The following RBFOX3 variants were observed in gnomAD, a reference collection of about 807,000 sequenced individuals.
The protein encoded by RBFOX3 is RNA binding fox-1 homolog 3.
A neutral mutation model predicts 48.7 loss-of-function variants in RBFOX3; 17 were observed. That is an observed-to-expected ratio of 0.35 (90% CI 0.24 to 0.52). The LOEUF is 0.52. Ranked by LOEUF, RBFOX3 falls within the 20% of genes least tolerant of loss-of-function variation. The pLI is 0.94. For synonymous variants in RBFOX3, 212 were observed against 209.5 expected (o/e 1.01, Z -0.10); for missense variants, 382 against 497.5 (o/e 0.77, Z 2.21).
At chr17:79,164,219 G>T (rs935868137) in intron 4 of RBFOX3, among the ~76,000 whole-genome samples, 7 of 152,238 alleles carry the variant, frequency 4.6e-5, no homozygotes, top group African/African-American at 1.7e-4. Flanking sequence ...CACCTGGCAG[G>T]GGCGGTGGCG....
chr17:79,228,414 C>T (rs1197826570), intron 4 of RBFOX3, among the ~76,000 whole-genome samples: 1 of 152,202 alleles, frequency 6.6e-6, no homozygotes, highest in African/African-American at 2.4e-5. Context: ...GTAATTAATA[C>T]TCTGGGGAAA....
intron 3 of RBFOX3, among the ~76,000 whole-genome samples, chr17:79,253,515 T>C (rs541786452): frequency 1.3e-5 from 2 of 152,346 alleles, no homozygotes; most frequent in South Asian, 2.1e-4. Flanking sequence ...AATGTCAACA[T>C]TTTTAATTAA....
chr17:79,531,167 A>G (rs1452526751), intron 1 of RBFOX3, among the ~76,000 whole-genome samples: 2 of 152,190 alleles, frequency 1.3e-5, no homozygotes, highest in African/African-American at 4.8e-5. Flanking sequence ...GAAAAGCCCC[A>G]TTGTCACTCC....
At chr17:79,602,782 G>A (rs1426667700) in intron 1 of RBFOX3, among the ~76,000 whole-genome samples, 2 of 152,148 alleles carry the variant, frequency 1.3e-5, no homozygotes, top group African/African-American at 4.8e-5. Flanking sequence ...CCCTCAGCCT[G>A]CGCGGTAAGC....
intron 1 of RBFOX3, among the ~76,000 whole-genome samples, chr17:79,490,902 A>T (rs1453133464): frequency 6.6e-6 from 1 of 150,710 alleles, no homozygotes; most frequent in African/African-American, 2.5e-5. Context: ...GAGTGAGTGC[A>T]TGAAAGAGTG....
At chr17:79,094,383 A>G (rs1323141352) in intron 14 of RBFOX3, 68 bp downstream of exon 14, 3 of 1,204,590 alleles carry the variant, frequency 2.5e-6, no homozygotes, top group East Asian at 3.0e-5. Context: ...CTCTCCCCCA[A>G]GGGCCTCACC....
chr17:79,665,363 C>T, the RBFOX3 span, among the ~76,000 whole-genome samples: 3 of 152,106 alleles, frequency 2.0e-5, no homozygotes, highest in Non-Finnish European at 2.9e-5. Context: ...TGCACGAAAT[C>T]TCCTTACCTG....
intron 3 of RBFOX3, among the ~76,000 whole-genome samples, chr17:79,293,122 AG>A (rs1218088603): frequency 6.6e-6 from 1 of 152,242 alleles, no homozygotes; most frequent in African/African-American, 2.4e-5. Context: ...GCCACTTAAA[AG>A]TATGGCCTCA....
chr17:79,165,819 C>T (rs1375573407), intron 4 of RBFOX3, among the ~76,000 whole-genome samples: 1 of 152,190 alleles, frequency 6.6e-6, no homozygotes, highest in Non-Finnish European at 1.5e-5. Context: ...CCCGTGCCTA[C>T]CTGGATCACC....
intron 2 of RBFOX3, among the ~76,000 whole-genome samples, chr17:79,433,689 AG>A (rs2068878234): frequency 1.4e-5 from 2 of 145,934 alleles, no homozygotes; most frequent in South Asian, 4.7e-4. Context: ...AGCCCAGCCC[AG>A]CCCAGCCCAG....
chr17:79,419,425 T>A (rs914609121), intron 2 of RBFOX3, among the ~76,000 whole-genome samples: 1 of 151,544 alleles, frequency 6.6e-6, no homozygotes, highest in Non-Finnish European at 1.5e-5. Context: ...ATGCAGGAGG[T>A]CAAACAGGAG....
chr17:79,254,246 G>T lies in RBFOX3; in HGVS notation c.-73-18441C>A, dbSNP rs987072028. On this transcript the variant is annotated intron_variant, in intron 3 of 14. Coordinates refer to ENST00000693108, the MANE Select transcript of RBFOX3 (RefSeq NM_001350451.2). The surrounding 1 kb of genome is among the most constrained non-coding windows in gnomAD (Gnocchi z 4.8). ...TTCTCAGATGTCCTGGCTTCAGGGA[G>T]CAGGGCCCCTGAGGTCTGGAAGAGG... Among the ~76,000 whole-genome samples, 1 of 152,190 alleles carries T rather than the reference G, an allele frequency of 6.6e-6. No homozygotes were observed. Among genetic ancestry groups the T allele is most frequent in the African/African-American group, 2.4e-5 (1 of 41,452 alleles).
intron 3 of RBFOX3, among the ~76,000 whole-genome samples, chr17:79,244,098 A>G (rs549913118): frequency 6.6e-6 from 1 of 152,302 alleles, no homozygotes; most frequent in East Asian, 1.9e-4. Flanking sequence ...GTCCATCCGG[A>G]ACCTTATTTG....
rs992580641 is a variant in RBFOX3, at chr17:79,214,562, G to T, written c.-34+21204C>A. 8.0e-5 allele frequency among the ~76,000 whole-genome samples: 12 copies of T among 149,832 alleles called. No individual in the cohort carries two copies. Among genetic ancestry groups the T allele is most frequent in the Admixed American group, 1.3e-4 (2 of 14,878 alleles). ...GGCAGGCCAAGTGGGAGGGATGTCTGGGGGGGGTCTCGGAGGAAGCAGGAA... is the reference window on the plus strand; with the variant it reads ...GGCAGGCCAAGTGGGAGGGATGTCTTGGGGGGGTCTCGGAGGAAGCAGGAA... On this transcript the variant is annotated intron_variant, in intron 4 of 14. Coordinates refer to ENST00000693108, the MANE Select transcript of RBFOX3 (RefSeq NM_001350451.2). This position sits in a 1 kb window ranked among gnomAD's most constrained non-coding sequence, Gnocchi z 4.7.
intron 1 of RBFOX3, among the ~76,000 whole-genome samples, chr17:79,503,896 G>A (rs952592032): frequency 2.6e-5 from 4 of 152,310 alleles, no homozygotes; most frequent in East Asian, 3.9e-4. Context: ...GGACCAGGAC[G>A]GGGATGCAAA....
intron 2 of RBFOX3, among the ~76,000 whole-genome samples, chr17:79,314,528 C>T (rs563139793): frequency 6.6e-6 from 1 of 152,324 alleles, no homozygotes; most frequent in East Asian, 1.9e-4. Context: ...AAGACTCTCA[C>T]TCGGCATTCT....
intron 1 of RBFOX3, among the ~76,000 whole-genome samples, chr17:79,580,133 C>T (rs1006378057): frequency 4.0e-5 from 6 of 151,882 alleles, no homozygotes; most frequent in Admixed American, 6.5e-5. Flanking sequence ...TCCTGAGTGC[C>T]CCTTGGGCTT....
the RBFOX3 span, among the ~76,000 whole-genome samples, chr17:79,652,025 C>T: frequency 1.3e-5 from 2 of 151,706 alleles, no homozygotes; most frequent in Middle Eastern, 3.4e-3. Context: ...CCAGCCCTGG[C>T]AAACATATTG....
At chr17:79,425,880 G>T (rs1366124843) in intron 2 of RBFOX3, among the ~76,000 whole-genome samples, 1 of 152,204 alleles carries the variant, frequency 6.6e-6, no homozygotes, top group African/African-American at 2.4e-5. Context: ...CCCCCTTCCA[G>T]GGATCTTGCT....
Sources: allele counts gnomAD v4.1 joint callset (sites outside exome capture counted in the v4.1 genomes callset), GRCh38; gene constraint gnomAD v4.1.1; non-coding constraint Gnocchi (gnomAD v3.1); transcripts MANE v1.5; gene names NCBI Gene and HGNC (gene_info 2026-07-23, HGNC 2026-07-21).